PPFIA2: variants seen among roughly 807,000 people sequenced by gnomAD.
PPFIA2 encodes the protein liprin-alpha-2.
In PPFIA2, 46 loss-of-function variants were observed where a neutral mutation model predicts 175.5. The ratio of observed to expected loss-of-function variants is 0.26; its 90% confidence interval spans 0.21 to 0.34. The LOEUF is 0.34. Ranked by LOEUF, PPFIA2 falls within the 10% of genes least tolerant of loss-of-function variation. The pLI, the probability that PPFIA2 is intolerant of heterozygous loss-of-function variation, is 1.00. For synonymous variants in PPFIA2, 568 were observed against 511.4 expected (o/e 1.11, Z -1.49); for missense variants, 1,179 against 1,506.1 (o/e 0.78, Z 3.60).
At chr12:81,542,631 AC>A (rs2066394173) in intron 4 of PPFIA2, among the ~76,000 whole-genome samples, 1 of 152,056 alleles carries the variant, frequency 6.6e-6, no homozygotes, top group South Asian at 2.1e-4. Flanking sequence ...ATTTTAACAG[AC>A]TTTTTCCTGA....
At chr12:81,479,812 G>A (rs1386749384) in intron 4 of PPFIA2, among the ~76,000 whole-genome samples, 8 of 152,146 alleles carry the variant, frequency 5.3e-5, no homozygotes, top group African/African-American at 1.9e-4. Context: ...TGGGTAACCC[G>A]ACATTTTTCT....
chr12:81,541,868 C>T (rs1478532570), intron 4 of PPFIA2, among the ~76,000 whole-genome samples: 1 of 151,958 alleles, frequency 6.6e-6, no homozygotes, highest in South Asian at 2.1e-4. Flanking sequence ...TGCTGGGAGC[C>T]AGGCTTCTCA....
chr12:81,608,166 T>C (rs1259422646), intron 4 of PPFIA2, among the ~76,000 whole-genome samples: 1 of 152,036 alleles, frequency 6.6e-6, no homozygotes, highest in Non-Finnish European at 1.5e-5. Flanking sequence ...GGTGAATTAG[T>C]TTTTTGATGT....
rs1345111719 is a variant in PPFIA2 at position 81,386,802 on chromosome 12, G to A, written c.763-2558C>T. Among the ~76,000 whole-genome samples the A allele has an allele frequency of 3.3e-5, 5 of 151,978 alleles. No homozygotes were observed. In the East Asian group the frequency reaches 7.7e-4, roughly 23 times the overall value. On this transcript the variant is annotated intron_variant, in intron 8 of 32. Transcript: ENST00000549396. ...AAATACAGAAAGTACAGTCATTTCCGCTCATGTTTTCAGCACTTGTTTAAA... is the reference window on the plus strand; with the variant it reads ...AAATACAGAAAGTACAGTCATTTCCACTCATGTTTTCAGCACTTGTTTAAA...
At chr12:81,552,554 G>T (rs1388174471) in intron 4 of PPFIA2, among the ~76,000 whole-genome samples, 1 of 151,814 alleles carries the variant, frequency 6.6e-6, no homozygotes, top group Non-Finnish European at 1.5e-5. Context: ...TATCAATCAT[G>T]ATGACTATAT....
intron 7 of PPFIA2, among the ~76,000 whole-genome samples, chr12:81,422,128 GTATATATATGTGTATATATATGTGTGTA>G (rs1307377015): frequency 0.03 from 3,915 of 130,884 alleles, 158 homozygotes; most frequent in African/African-American, 0.11. Context: ...ATATATGTGT[GTATATATATGTGTATATATATGTGTGTA>G]TATATATATA....
intron 6 of PPFIA2, among the ~76,000 whole-genome samples, chr12:81,444,270 A>G (rs1457427552): frequency 6.6e-6 from 1 of 152,168 alleles, no homozygotes; most frequent in Admixed American, 6.5e-5. Context: ...TTTCATTGAT[A>G]TGTGAATTCC....
At chr12:81,261,875 T>C (rs2035677130) in intron 32 of PPFIA2, 74 bp downstream of exon 32, 1 of 960,378 alleles carries the variant, frequency 1.0e-6, no homozygotes, top group Admixed American at 2.5e-5. Flanking sequence ...AAGAGTATAG[T>C]GTATATTTAT....
chr12:81,327,294 G>A (rs1290330793), intron 21 of PPFIA2, among the ~76,000 whole-genome samples: 1 of 151,878 alleles, frequency 6.6e-6, no homozygotes, highest in Non-Finnish European at 1.5e-5. Context: ...TAATGAATAC[G>A]GGTACTTAAA....
chr12:81,368,953 T>C, intron 12 of PPFIA2, 97 bp from the exon 13 acceptor site: 1 of 1,409,066 alleles, frequency 7.1e-7, no homozygotes, highest in Non-Finnish European at 9.6e-7. Context: ...ATTTTACATC[T>C]GTTTTGATTA....
chr12:81,352,659 C>G (rs1309408591), intron 17 of PPFIA2, among the ~76,000 whole-genome samples: 2 of 152,034 alleles, frequency 1.3e-5, no homozygotes, highest in African/African-American at 2.4e-5. Flanking sequence ...ATTAATTTCA[C>G]TCCAATGTTG....
chr12:81,638,604 G>C (rs2064434516), intron 4 of PPFIA2, among the ~76,000 whole-genome samples: 1 of 150,916 alleles, frequency 6.6e-6, no homozygotes, highest in African/African-American at 2.4e-5. Context: ...ATGTACATAA[G>C]GATTTCTTAG....
chr12:81,657,322 C>T (rs1241145077), intron 4 of PPFIA2, among the ~76,000 whole-genome samples: 1 of 152,164 alleles, frequency 6.6e-6, no homozygotes, highest in African/African-American at 2.4e-5. Flanking sequence ...GGGATGGATC[C>T]TTGGAAAACT....
At chr12:81,660,385 A>G (rs2068601990) in intron 4 of PPFIA2, among the ~76,000 whole-genome samples, 1 of 152,216 alleles carries the variant, frequency 6.6e-6, no homozygotes, top group Non-Finnish European at 1.5e-5. Context: ...TTGGCACGAG[A>G]ACTACGTGAC....
chr12:81,473,517 A>C (rs1284540597), intron 4 of PPFIA2, among the ~76,000 whole-genome samples: 1 of 152,208 alleles, frequency 6.6e-6, no homozygotes, highest in Admixed American at 6.5e-5. Flanking sequence ...TCATCAGATA[A>C]ACCACATGTG....
At chr12:81,681,513 C>G (rs1368730569) in intron 3 of PPFIA2, among the ~76,000 whole-genome samples, 1 of 151,966 alleles carries the variant, frequency 6.6e-6, no homozygotes, top group African/African-American at 2.4e-5. Context: ...CATTCTCAGA[C>G]TTGAGGAGTC....
intron 16 of PPFIA2, among the ~76,000 whole-genome samples, chr12:81,354,509 G>A (rs1444299637): frequency 2.6e-5 from 4 of 152,082 alleles, no homozygotes; most frequent in Non-Finnish European, 5.9e-5. Context: ...ATTTGGTTTC[G>A]TTTTCAGGCT....
chr12:81,386,851 T>C (rs1039865174), intron 8 of PPFIA2, among the ~76,000 whole-genome samples: 3 of 152,152 alleles, frequency 2.0e-5, no homozygotes, highest in East Asian at 3.9e-4. Context: ...TTCAACATGA[T>C]AGATATATTA....
intron 4 of PPFIA2, among the ~76,000 whole-genome samples, chr12:81,500,899 C>T (rs972818213): frequency 2.6e-5 from 4 of 152,218 alleles, no homozygotes; most frequent in African/African-American, 4.8e-5. Context: ...CTGACCTCTG[C>T]TCCTCATAAT....
Sources: allele counts gnomAD v4.1 joint callset (sites outside exome capture counted in the v4.1 genomes callset), GRCh38; gene constraint gnomAD v4.1.1; transcripts MANE v1.5; gene names NCBI Gene and HGNC (gene_info 2026-07-23, HGNC 2026-07-21).